SMOC1: variants seen among roughly 807,000 people sequenced by gnomAD.
SMOC1 encodes SPARC-related modular calcium-binding protein 1.
In SMOC1, 22 loss-of-function variants were observed where a neutral mutation model predicts 56.3. The ratio of observed to expected loss-of-function variants is 0.39; its 90% CI spans 0.28 to 0.56. The LOEUF (loss-of-function observed/expected upper bound fraction) is 0.56, where lower values mean the gene tolerates loss of function less well. Among genes scored for constraint, SMOC1 ranks in the 20% least tolerant of loss-of-function variants. SMOC1 has a pLI of 0.61. For missense variants in SMOC1, 509 were observed against 565.4 expected (o/e 0.90, Z 1.01); for synonymous variants, 193 against 215.0 (o/e 0.90, Z 0.89).
chr14:69,964,981 A>T (rs559320684), intron 3 of SMOC1, among the ~76,000 whole-genome samples: 1 of 152,316 alleles, frequency 6.6e-6, no homozygotes, highest in East Asian at 1.9e-4. Flanking sequence ...ATGTTGCCAG[A>T]CTAGGGCATA....
intron 1 of SMOC1, among the ~76,000 whole-genome samples, chr14:69,905,920 G>T (rs1594795380): frequency 6.6e-6 from 1 of 152,212 alleles, no homozygotes; most frequent in East Asian, 1.9e-4. Context: ...TCTAAGTGAA[G>T]ATATTTGTGC....
At chr14:69,940,138 ATCTTG>A (rs1275699540) in intron 1 of SMOC1, among the ~76,000 whole-genome samples, 1 of 152,086 alleles carries the variant, frequency 6.6e-6, no homozygotes, top group Non-Finnish European at 1.5e-5. Context: ...CTGTTTTGGG[ATCTTG>A]TCTTTCCAAC....
At chr14:69,920,181 A>G (rs972005796) in intron 1 of SMOC1, among the ~76,000 whole-genome samples, 10 of 152,234 alleles carry the variant, frequency 6.6e-5, no homozygotes, top group African/African-American at 2.2e-4. Context: ...AATGAAGCCC[A>G]AAAGCTTAGA....
At position 70,032,217 on chromosome 14, in the gene SMOC1, G is replaced by C. The variant is rs1375309889; in HGVS notation, c.*1959G>C. The C allele has an allele frequency of 6.6e-6, 1 of 152,266 alleles. No individual in the cohort carries two copies. The highest frequency in any genetic ancestry group is 6.5e-5 in the Admixed American group (1 of 15,290). 9.4% of individuals were successfully genotyped at this position (152,266 alleles called of 1,614,324 possible). A position where few individuals can be genotyped will look rare whatever the true frequency, so the allele number is the denominator to read the frequency against. On this transcript the variant is annotated 3_prime_UTR_variant, in exon 12 of 12. Coordinates refer to ENST00000361956, the MANE Select transcript of SMOC1 (RefSeq NM_001034852.3). ...GCACACATGGAGACGGCGCCTGCCT[G>C]TAGATGTTTGGATCTTCGAGATCTC...
intron 1 of SMOC1, among the ~76,000 whole-genome samples, chr14:69,911,759 G>A (rs866056905): frequency 3.9e-5 from 6 of 152,216 alleles, no homozygotes; most frequent in Admixed American, 6.5e-5. Context: ...ACCAGATGAA[G>A]GACATTTGGG....
intron 10 of SMOC1, among the ~76,000 whole-genome samples, chr14:70,021,931 G>C (rs140954701): frequency 6.6e-6 from 1 of 152,100 alleles, no homozygotes; most frequent in Non-Finnish European, 1.5e-5. Flanking sequence ...ACAGGCCTTC[G>C]ACCCTGATCT....
At chr14:69,913,945 G>C (rs1488841754) in intron 1 of SMOC1, among the ~76,000 whole-genome samples, 1 of 152,224 alleles carries the variant, frequency 6.6e-6, no homozygotes, top group African/African-American at 2.4e-5. Flanking sequence ...CCTAGAGTTA[G>C]AGTGGAAATG....
rs543851033 is a variant in SMOC1, at chr14:70,025,547, C to A, written c.1291+2100C>A. On this transcript the variant is annotated intron_variant, in intron 11 of 11. Coordinates refer to ENST00000361956, the MANE Select transcript of SMOC1 (RefSeq NM_001034852.3). ...TCAGCAATGAGTCAATGGTTCAAAC[C>A]CTGCCTCTGTCCCGGCCTCGCTCTT... Among the ~76,000 whole-genome samples the A allele has an allele frequency of 2.6e-5, 4 of 152,304 alleles. No individual in the cohort carries two copies. In the East Asian group the frequency reaches 7.7e-4, roughly 29 times the overall value.
At chr14:69,972,051 T>G (rs1883780496) in intron 3 of SMOC1, among the ~76,000 whole-genome samples, 1 of 152,196 alleles carries the variant, frequency 6.6e-6, no homozygotes, top group Non-Finnish European at 1.5e-5. Flanking sequence ...ATTTACATTA[T>G]CAAATTGAAT....
chr14:69,963,342 A>G (rs1179499572), intron 3 of SMOC1, among the ~76,000 whole-genome samples: 1 of 152,150 alleles, frequency 6.6e-6, no homozygotes, highest in African/African-American at 2.4e-5. Flanking sequence ...TTGGGAGAGA[A>G]CGGTACCAAA....
At chr14:69,998,926 G>A (rs548908155) in intron 7 of SMOC1, among the ~76,000 whole-genome samples, 1 of 152,218 alleles carries the variant, frequency 6.6e-6, no homozygotes, top group East Asian at 1.9e-4. Context: ...GGCCCTGTGA[G>A]TTAAATCTGA....
At chr14:69,981,225 G>A (rs1884166996) in intron 5 of SMOC1, among the ~76,000 whole-genome samples, 1 of 151,048 alleles carries the variant, frequency 6.6e-6, no homozygotes. Context: ...GAAGAAGTGG[G>A]GGAAGGAGGG....
At position 69,892,438 on chromosome 14, in the gene SMOC1, G is replaced by T. The variant is rs114477840; in HGVS notation, c.99+12661G>T. On this transcript the variant is annotated intron_variant, in intron 1 of 11. Coordinates refer to ENST00000361956, the MANE Select transcript of SMOC1 (RefSeq NM_001034852.3). ...TGGGGAAATTTATTTAAAACGTGTT[G>T]GTAAGCAAGCTGTATCGGAAATGAC... is the stretch of plus-strand genomic sequence containing the variant. Among the ~76,000 whole-genome samples the T allele has an allele frequency of 4.9e-3, 744 of 152,264 alleles. 7 individuals are homozygous for T. The highest frequency in any genetic ancestry group is 0.016 in the African/African-American group (670 of 41,548).
chr14:69,883,800 G>C (rs1264026637), intron 1 of SMOC1, among the ~76,000 whole-genome samples: 4 of 143,276 alleles, frequency 2.8e-5, no homozygotes, highest in Non-Finnish European at 6.0e-5. Context: ...GTTGTTTTTT[G>C]TCTTTTTGAT....
intron 10 of SMOC1, among the ~76,000 whole-genome samples, chr14:70,017,653 G>C (rs1460213476): frequency 6.6e-6 from 1 of 152,168 alleles, no homozygotes; most frequent in African/African-American, 2.4e-5. Flanking sequence ...TTCCTGTCAG[G>C]CATGGAGATG....
At chr14:69,898,966 C>G (rs1007758782) in intron 1 of SMOC1, among the ~76,000 whole-genome samples, 2 of 152,060 alleles carry the variant, frequency 1.3e-5, no homozygotes, top group Admixed American at 1.3e-4. Context: ...TTCTATAGTC[C>G]TATGATTAGG....
intron 1 of SMOC1, among the ~76,000 whole-genome samples, chr14:69,924,981 A>G (rs1472033519): frequency 6.6e-5 from 1 of 15,094 alleles, no homozygotes; most frequent in African/African-American, 3.1e-4. Context: ...GAGGAGGAGG[A>G]GAGGTAGGGG....
intron 1 of SMOC1, among the ~76,000 whole-genome samples, chr14:69,912,737 G>C (rs900719918): frequency 6.6e-6 from 1 of 152,182 alleles, no homozygotes; most frequent in Non-Finnish European, 1.5e-5. Context: ...AGGCAGGAGA[G>C]AGGGAAAAGG....
chr14:70,028,997 G>A (rs1886036513), intron 11 of SMOC1, among the ~76,000 whole-genome samples: 1 of 152,198 alleles, frequency 6.6e-6, no homozygotes, highest in South Asian at 2.1e-4. Context: ...TGAATTCAGT[G>A]GATCCTCAAG....
Sources: allele counts gnomAD v4.1 joint callset (sites outside exome capture counted in the v4.1 genomes callset), GRCh38; gene constraint gnomAD v4.1.1; transcripts MANE v1.5; gene names NCBI Gene and HGNC (gene_info 2026-07-23, HGNC 2026-07-21).